Variants in ALMS1 observed in about 807,000 individuals in gnomAD.
ALMS1 encodes ALMS1 centrosome and basal body associated protein.
ALMS1 carries 271 observed loss-of-function variants against 352.2 expected under a neutral mutation model. That is an observed-to-expected ratio of 0.77 (90% confidence interval 0.70 to 0.85). ALMS1 has a LOEUF of 0.85. Among genes scored for constraint, ALMS1 ranks in the 40% least tolerant of loss-of-function variants. The probability of loss-of-function intolerance (pLI) is 0.00; values close to 1 mark genes in which losing one functional copy is unlikely to be tolerated. For missense variants in ALMS1, 5,445 were observed against 4,870.7 expected, an observed-to-expected ratio of 1.12 and a Z score of -3.51; for synonymous variants, 1,865 against 1,761.2, an observed-to-expected ratio of 1.06 and a Z score of -1.48.
intron 12 of ALMS1, among the ~76,000 whole-genome samples, chr2:73,542,253 A>G (rs1674201283): frequency 1.3e-5 from 2 of 152,202 alleles, no homozygotes. Flanking sequence ...TATAAACGGA[A>G]CCAAAGACAA....
intron 18 of ALMS1, 132 bp downstream of exon 18, chr2:73,601,013 C>G: frequency 1.4e-6 from 2 of 1,393,826 alleles, no homozygotes; most frequent in Non-Finnish European, 2.0e-6. Context: ...GTCAGGTTTT[C>G]AGAGTCCAGC....
At position 73,455,199 on chromosome 2, in the gene ALMS1, A is replaced by G. The variant is rs1204731958; in HGVS notation, c.7578A>G (p.Gly2526=). The part of the protein sequence containing the change: ...NMKFNLAHDC[G]YSISELNEDD... ...AGTTCAATTTAGCACATGATTGTGG[A>G]TACTCCATTTCAGAATTAAATGAAG... The change falls in exon 9 of 23, where the codon GGA becomes GGG. Residue 2526 remains glycine, a synonymous_variant. Coordinates refer to ENST00000613296, the MANE Select transcript of ALMS1 (RefSeq NM_001378454.1). 1 of 1,613,306 alleles carries G rather than the reference A, an allele frequency of 6.2e-7. No homozygotes were observed. Among genetic ancestry groups the G allele is most frequent in the Non-Finnish European group, 8.5e-7 (1 of 1,179,690 alleles).
intron 11 of ALMS1, among the ~76,000 whole-genome samples, chr2:73,531,221 A>G (rs961024044): frequency 2.0e-5 from 3 of 152,180 alleles, no homozygotes; most frequent in East Asian, 1.9e-4. Flanking sequence ...TCCAATTTCA[A>G]ACCCTCTCTT....
In ALMS1 at chr2:73,450,972, C is replaced by T. The variant is rs377596920; in HGVS notation, c.4445C>T (p.Pro1482Leu). The T allele has an allele frequency of 1.9e-6, 3 of 1,613,916 alleles. No homozygotes were observed. The highest frequency in any genetic ancestry group is 2.5e-6 in the Non-Finnish European group (3 of 1,179,936). ...CCTTCCAGCTCATTTGGAGAGAAGC[C>T]CATTGTTATCTACAAACAGGCCTTT... Reference protein sequence around the residue: ...TSPSSSFGEKPIVIYKQAFPE... With the variant: ...TSPSSSFGEKLIVIYKQAFPE... Residue 1482 changes from proline to leucine, a missense_variant, in exon 8 of 23, where the codon CCC becomes CTC. Transcript: ENST00000613296.
chr2:73,501,086 G>A lies in ALMS1; in HGVS notation c.9539+9588G>A, dbSNP rs1245398752. Reference sequence around the variant, plus strand: ...TAATTTTAATTTGTATTTCCATGATGACTAATGATGCTGAGCATCTTTTCT... The same window carrying A: ...TAATTTTAATTTGTATTTCCATGATAACTAATGATGCTGAGCATCTTTTCT... On this transcript the variant is annotated intron_variant, in intron 10 of 22. Coordinates refer to ENST00000613296, the MANE Select transcript of ALMS1 (RefSeq NM_001378454.1). Among the ~76,000 whole-genome samples the A allele has an allele frequency of 2.6e-5, 4 of 152,132 alleles. No individual in the cohort carries two copies. The East Asian group carries it at 7.7e-4, about 29-fold the overall frequency.
At chr2:73,430,336 A>G (rs907349204) in intron 6 of ALMS1, among the ~76,000 whole-genome samples, 1 of 152,292 alleles carries the variant, frequency 6.6e-6, no homozygotes, top group Middle Eastern at 3.4e-3. Flanking sequence ...TCGGCCTCCC[A>G]GAGTGCTGGG....
At chr2:73,544,230 G>A (rs1037221122) in intron 12 of ALMS1, among the ~76,000 whole-genome samples, 4 of 152,124 alleles carry the variant, frequency 2.6e-5, no homozygotes, top group African/African-American at 7.2e-5. Context: ...CATGGATGAA[G>A]CTGGAAACCA....
At chr2:73,597,524 A>G (rs914155285) in intron 16 of ALMS1, among the ~76,000 whole-genome samples, 27 of 152,186 alleles carry the variant, frequency 1.8e-4, no homozygotes, top group African/African-American at 6.0e-4. Flanking sequence ...TGTATTTCAT[A>G]TCAGTCACTT....
At chr2:73,559,530 T>A (rs1674615536) in intron 15 of ALMS1, among the ~76,000 whole-genome samples, 1 of 152,046 alleles carries the variant, frequency 6.6e-6, no homozygotes, top group Non-Finnish European at 1.5e-5. Context: ...TACAATAAAA[T>A]CACATTTATT....
In ALMS1 at chr2:73,491,126, C is replaced by A; in HGVS notation, c.9167C>A (p.Ser3056Tyr). The A allele has an allele frequency of 1.9e-6, 3 of 1,614,180 alleles. No homozygotes were observed. The highest frequency in any genetic ancestry group is 2.5e-6 in the Non-Finnish European group (3 of 1,180,010). Residue 3056 changes from serine (S) to tyrosine (Y), a missense_variant, in exon 10 of 23, where the codon TCT becomes TAT. Coordinates refer to ENST00000613296, the MANE Select transcript of ALMS1 (RefSeq NM_001378454.1). ...CATATAACTCTTTGTCCCAAGACTT[C>A]TTCCAAGTTGGATAGTGGAACTTTA... ...CVHITLCPKT[S>Y]SKLDSGTLDE...
At chr2:73,569,400 T>A (rs1268886690) in intron 15 of ALMS1, among the ~76,000 whole-genome samples, 3 of 152,162 alleles carry the variant, frequency 2.0e-5, no homozygotes, top group African/African-American at 2.4e-5. Context: ...AATACTGATA[T>A]TAGGGAATAA....
chr2:73,598,271 G>T (rs1675594752), intron 16 of ALMS1, among the ~76,000 whole-genome samples: 1 of 152,118 alleles, frequency 6.6e-6, no homozygotes, highest in Admixed American at 6.5e-5. Context: ...GTGACCTTAT[G>T]TACTAGAGAA....
chr2:73,602,311 A>C lies in ALMS1; in HGVS notation c.12241A>C (p.Asn4081His), dbSNP rs1398267811. The C allele has an allele frequency of 6.2e-7, 1 of 1,614,204 alleles. No homozygotes were observed. Among genetic ancestry groups the C allele is most frequent in the Non-Finnish European group, 8.5e-7 (1 of 1,180,020 alleles). The part of the protein sequence containing the change: ...MLQTERDALF[N>H]IDRERQGHQN... ...ACAGACCGAGCGGGATGCACTATTC[A>C]ACATTGACAGGGAACGGCAGGGCCA... The change falls in exon 20 of 23, where the codon AAC becomes CAC. Residue 4081 changes from asparagine to histidine, a missense_variant. Asn to His is a moderately conservative substitution (Grantham distance 68). Transcript: ENST00000613296.
intron 1 of ALMS1, among the ~76,000 whole-genome samples, chr2:73,406,436 G>GTTTTTTTTTTTTTTTTTTGTTTT (rs555343293): frequency 8.2e-6 from 1 of 122,052 alleles, no homozygotes; most frequent in Non-Finnish European, 1.8e-5. Flanking sequence ...AATCCTATGG[G>GTTTTTTTTTTTTTTTTTTGTTTT]TTTTTTTTTT....
intron 11 of ALMS1, among the ~76,000 whole-genome samples, chr2:73,525,075 TA>T (rs1292660954): frequency 5.9e-5 from 9 of 152,228 alleles, no homozygotes; most frequent in African/African-American, 1.4e-4. Context: ...AGGATCTCAT[TA>T]TTTTTTTTGG....
Position 73,448,553 on chromosome 2 carries a change from C to T in ALMS1, c.2026C>T (p.Leu676Phe). The change falls in exon 8 of 23, where the codon CTC (leucine) becomes TTC (phenylalanine). Residue 676 changes from leucine (L) to phenylalanine (F), a missense_variant. Leu to Phe is a conservative substitution (Grantham distance 22). Coordinates refer to ENST00000613296, the MANE Select transcript of ALMS1 (RefSeq NM_001378454.1). ...ATCCCACTCACATGTAGAGGACCTC[C>T]TCTTTTTCTATCGACAGACCTTGCC... ...STSHSHVEDL[L>F]FFYRQTLPDG... 2 of 1,613,880 alleles carry T rather than the reference C, an allele frequency of 1.2e-6. No homozygotes were observed. Among genetic ancestry groups the T allele is most frequent in the Non-Finnish European group, 1.7e-6 (2 of 1,179,910 alleles).
At chr2:73,519,375 A>G (rs80300132) in intron 10 of ALMS1, among the ~76,000 whole-genome samples, 2,161 of 152,244 alleles carry the variant, frequency 0.014, 56 homozygotes, top group African/African-American at 0.049. Flanking sequence ...GAAAACTCCT[A>G]GTTCTCCCAG....
chr2:73,577,535 T>C (rs977189639), intron 16 of ALMS1, among the ~76,000 whole-genome samples: 1 of 152,178 alleles, frequency 6.6e-6, no homozygotes, highest in Non-Finnish European at 1.5e-5. Context: ...TTCTTTAATG[T>C]AGGCATTTGT....
intron 12 of ALMS1, among the ~76,000 whole-genome samples, chr2:73,538,127 A>G (rs1674071907): frequency 6.6e-6 from 1 of 152,230 alleles, no homozygotes; most frequent in African/African-American, 2.4e-5. Context: ...GACTCACAGC[A>G]TAGGAGAAAA....
Sources: allele counts gnomAD v4.1 joint callset (sites outside exome capture counted in the v4.1 genomes callset), GRCh38; gene constraint gnomAD v4.1.1; transcripts MANE v1.5; gene names NCBI Gene and HGNC (gene_info 2026-07-23, HGNC 2026-07-21).